EPS8: variants seen among roughly 807,000 people sequenced by gnomAD.
EPS8 encodes the protein EGFR pathway substrate 8, signaling adaptor.
A neutral mutation model predicts 103.8 loss-of-function variants in EPS8; 42 were observed. The ratio of observed to expected loss-of-function variants is 0.40; its 90% CI spans 0.32 to 0.52. EPS8 has a LOEUF of 0.52. Among genes scored for constraint, EPS8 ranks in the 20% least tolerant of loss-of-function variants. The probability of loss-of-function intolerance (pLI) is 0.40; values close to 1 mark genes in which losing one functional copy is unlikely to be tolerated. For synonymous variants in EPS8, 344 were observed against 344.6 expected, an observed-to-expected ratio of 1.00 and a Z score of 0.02; for missense variants, 969 against 1,005.1, an observed-to-expected ratio of 0.96 and a Z score of 0.49.
At chr12:15,661,547 A>T (rs1945605340) in intron 9 of EPS8, among the ~76,000 whole-genome samples, 1 of 152,160 alleles carries the variant, frequency 6.6e-6, no homozygotes, top group Non-Finnish European at 1.5e-5. Context: ...TCATTCTGTA[A>T]ATCACTATAA....
chr12:15,722,209 G>A (rs1210730469), intron 1 of EPS8, among the ~76,000 whole-genome samples: 1 of 149,664 alleles, frequency 6.7e-6, no homozygotes, highest in Non-Finnish European at 1.5e-5. Flanking sequence ...AAAAAAAAAC[G>A]CAAGAAAAAG....
chr12:15,645,191 C>A (rs986224629), intron 15 of EPS8, among the ~76,000 whole-genome samples: 1 of 152,048 alleles, frequency 6.6e-6, no homozygotes, highest in African/African-American at 2.4e-5. Context: ...ATAAATGTCC[C>A]TGACATCACC....
chr12:15,751,724 C>T lies in EPS8; in HGVS notation c.-22+37437G>A, dbSNP rs1946933619. Among the ~76,000 whole-genome samples, 1 of 152,066 alleles carries T rather than the reference C, an allele frequency of 6.6e-6. No individual in the cohort carries two copies. The highest frequency in any genetic ancestry group is 1.5e-5 in the Non-Finnish European group (1 of 68,042). ...TTTATGCTATGTTCATGCCATTTCG[C>T]TCTCTCCTCCCTCCCTCCTCTATAC... On this transcript the variant is annotated intron_variant, in intron 1 of 20. Transcript: ENST00000281172. This position sits in a 1 kb window ranked among gnomAD's most constrained non-coding sequence, Gnocchi z 4.3.
chr12:15,623,100 G>A (rs1944886144), intron 20 of EPS8, 58 bp downstream of exon 20: 4 of 1,531,464 alleles, frequency 2.6e-6, no homozygotes, highest in Non-Finnish European at 1.8e-6. Context: ...GACATAAATA[G>A]TTGTTTCCAG....
rs1205529746 is a variant in EPS8, at chr12:15,717,486, C to A, written c.-21-34514G>T. On this transcript the variant is annotated intron_variant, in intron 1 of 20. Transcript: ENST00000281172. The surrounding 1 kb of genome is among the most constrained non-coding windows in gnomAD (Gnocchi z 4.3). Reference sequence around the variant, plus strand: ...CCTGTAATCCCAGCTACTTGGGAGGCTGAGGCAGCAGAATTGCTTAAGCCC... The same window carrying A: ...CCTGTAATCCCAGCTACTTGGGAGGATGAGGCAGCAGAATTGCTTAAGCCC... Among the ~76,000 whole-genome samples the A allele has an allele frequency of 6.6e-6, 1 of 152,070 alleles. No homozygotes were observed. The highest frequency in any genetic ancestry group is 6.6e-5 in the Admixed American group (1 of 15,260).
At chr12:15,669,637 A>G (rs1222681471) in intron 5 of EPS8, 27 bp downstream of exon 5, 10 of 1,565,930 alleles carry the variant, frequency 6.4e-6, no homozygotes, top group Non-Finnish European at 8.7e-6. Context: ...TCTTGAAAAT[A>G]AAATAGTATA....
chr12:15,650,097 C>T (rs928600480), intron 14 of EPS8, among the ~76,000 whole-genome samples: 11 of 152,160 alleles, frequency 7.2e-5, no homozygotes, highest in African/African-American at 2.7e-4. Flanking sequence ...GACAAAACAG[C>T]ATACTCAATT....
chr12:15,640,660 G>A (rs1427134876), intron 17 of EPS8, 43 bp downstream of exon 17: 21 of 1,565,624 alleles, frequency 1.3e-5, no homozygotes, highest in African/African-American at 5.4e-5. Context: ...TGATAACTTC[G>A]TAAATGTGTA....
intron 3 of EPS8, among the ~76,000 whole-genome samples, chr12:15,676,568 C>A (rs544998265): frequency 1.1e-4 from 16 of 152,120 alleles, no homozygotes; most frequent in Non-Finnish European, 2.4e-4. Flanking sequence ...GAGATTACAG[C>A]TGCCACACCC....
chr12:15,773,638 T>C (rs537261623), intron 1 of EPS8, among the ~76,000 whole-genome samples: 1 of 152,248 alleles, frequency 6.6e-6, no homozygotes, highest in East Asian at 1.9e-4. Flanking sequence ...TTAGAAAGAA[T>C]AATGTGATAT....
In EPS8 at chr12:15,784,549, T is replaced by C. The variant is rs1009051140; in HGVS notation, c.-22+4612A>G. The stretch of plus-strand genomic sequence containing the variant: ...ACATTCATTGCTGGTGAGAATGTAA[T>C]AGTACAGCCACTTCGGAAAACAGTT... On this transcript the variant is annotated intron_variant, in intron 1 of 20. Transcript: ENST00000281172. This position sits in a 1 kb window ranked among gnomAD's most constrained non-coding sequence, Gnocchi z 4.0. 6.6e-6 allele frequency among the ~76,000 whole-genome samples: 1 copy of C among 152,108 alleles called. No individual in the cohort carries two copies. The highest frequency in any genetic ancestry group is 1.5e-5 in the Non-Finnish European group (1 of 67,966).
Position 15,769,070 on chromosome 12 carries a change from T to G in EPS8, c.-22+20091A>C, listed in dbSNP as rs963965592. The stretch of plus-strand genomic sequence containing the variant: ...TCTTTGTGAACAGACAGCCCCCTTC[T>G]TTTCCCATATGCCCCCAAGTCAAGC... On this transcript the variant is annotated intron_variant, in intron 1 of 20. Transcript: ENST00000281172. The surrounding 1 kb of genome is among the most constrained non-coding windows in gnomAD (Gnocchi z 4.6). Among the ~76,000 whole-genome samples, 3 of 152,142 alleles carry G rather than the reference T, an allele frequency of 2.0e-5. No individual in the cohort carries two copies. The highest frequency in any genetic ancestry group is 4.4e-5 in the Non-Finnish European group (3 of 68,012).
At chr12:15,741,820 G>A (rs927655753) in intron 1 of EPS8, among the ~76,000 whole-genome samples, 23 of 151,878 alleles carry the variant, frequency 1.5e-4, no homozygotes. Flanking sequence ...CCATTAACTC[G>A]TCATTTACAT....
chr12:15,788,802 G>A (rs1947336918), intron 1 of EPS8, among the ~76,000 whole-genome samples: 1 of 152,148 alleles, frequency 6.6e-6, no homozygotes, highest in Admixed American at 6.5e-5. Context: ...AGCCGAGATC[G>A]GGATACTCGG....
intron 1 of EPS8, among the ~76,000 whole-genome samples, chr12:15,743,710 T>C (rs1479225502): frequency 6.6e-6 from 1 of 152,220 alleles, no homozygotes; most frequent in African/African-American, 2.4e-5. Flanking sequence ...GCTAGCCATA[T>C]GTAGAAAGCT....
chr12:15,662,742 A>C, intron 8 of EPS8: 1 of 752,468 alleles, frequency 1.3e-6, no homozygotes, highest in Non-Finnish European at 1.6e-6. Context: ...AGTTATTATC[A>C]TGAACTCCTT....
intron 1 of EPS8, among the ~76,000 whole-genome samples, chr12:15,783,831 T>C (rs1194629963): frequency 6.6e-5 from 10 of 152,038 alleles, no homozygotes; most frequent in Non-Finnish European, 2.9e-5. Context: ...CTCAACTGTT[T>C]ACAGTAAGTA....
In EPS8 at chr12:15,762,708, G is replaced by GA. The variant is rs1947054495; in HGVS notation, c.-22+26452dup. On this transcript the variant is annotated intron_variant, in intron 1 of 20. Transcript: ENST00000281172. This position sits in a 1 kb window ranked among gnomAD's most constrained non-coding sequence, Gnocchi z 4.8. ...CATCATATGTTCTCATTTATTTGCA[G>GA]AATCTAGAAATAAAAACAATTGAAC... is the stretch of plus-strand genomic sequence containing the variant. Among the ~76,000 whole-genome samples, 1 of 152,136 alleles carries GA rather than the reference G, an allele frequency of 6.6e-6. No homozygotes were observed. The highest frequency in any genetic ancestry group is 1.5e-5 in the Non-Finnish European group (1 of 68,018).
chr12:15,623,689 T>C (rs1170711577), intron 19 of EPS8, among the ~76,000 whole-genome samples: 1 of 152,262 alleles, frequency 6.6e-6, no homozygotes, highest in Non-Finnish European at 1.5e-5. Context: ...TGTATTATTC[T>C]AATAGTTCAT....
Sources: gnomAD v4.1 joint callset for allele counts (sites outside exome capture counted in the v4.1 genomes callset) on GRCh38, gnomAD v4.1.1 for gene constraint, Gnocchi (gnomAD v3.1) non-coding constraint, MANE v1.5 for transcripts, NCBI Gene and HGNC (gene_info 2026-07-23, HGNC 2026-07-21) for gene names.